APBB2: variants seen among roughly 807,000 people sequenced by gnomAD.
The protein encoded by APBB2 is amyloid beta precursor protein binding family B member 2.
A neutral mutation model predicts 82.5 loss-of-function variants in APBB2; 38 were observed. The observed-to-expected ratio is 0.46, with a 90% CI of 0.36 to 0.60. APBB2 has a LOEUF of 0.60. Ranked by LOEUF, APBB2 falls within the 20% of genes least tolerant of loss-of-function variation. The pLI is 0.00. For missense variants in APBB2, 772 were observed against 972.3 expected (o/e 0.79, Z 2.74); for synonymous variants, 341 against 368.2 (o/e 0.93, Z 0.85).
At chr4:41,077,764 G>A (rs1236299283) in intron 3 of APBB2, among the ~76,000 whole-genome samples, 1 of 152,164 alleles carries the variant, frequency 6.6e-6, no homozygotes. Context: ...AAAACCAAAA[G>A]AGATGGCATC....
intron 4 of APBB2, among the ~76,000 whole-genome samples, chr4:41,037,692 G>A (rs533159388): frequency 1.2e-3 from 185 of 152,098 alleles, no homozygotes; most frequent in African/African-American, 4.1e-3. Flanking sequence ...TTCTACTGGC[G>A]AAGTCCTGAT....
intron 2 of APBB2, among the ~76,000 whole-genome samples, chr4:41,140,883 T>G (rs2154020025): frequency 6.6e-6 from 1 of 152,290 alleles, no homozygotes; most frequent in East Asian, 1.9e-4. Flanking sequence ...ACCACCTAGT[T>G]GCAGGAACAC....
At chr4:40,988,531 G>A (rs77105458) in intron 6 of APBB2, among the ~76,000 whole-genome samples, 42,503 of 149,700 alleles carry the variant, frequency 0.28, 6,634 homozygotes, top group East Asian at 0.53. Context: ...CCAGCTACTC[G>A]GGAGGCTGAG....
rs1782796215 is a variant in APBB2 at position 40,927,056 on chromosome 4, T to A, written c.1254+7400A>T. ...CTATTTCATCTCCAGATGCCACAGA[T>A]CAGGGCTACTACATTTCATTTGAAA... On this transcript the variant is annotated intron_variant, in intron 10 of 17. Transcript: ENST00000508593. Among the ~76,000 whole-genome samples, 8 of 152,152 alleles carry A rather than the reference T, an allele frequency of 5.3e-5. No individual in the cohort carries two copies. In the South Asian group the frequency reaches 1.7e-3, roughly 31 times the overall value.
At chr4:40,975,356 C>CT (rs921960592) in intron 6 of APBB2, among the ~76,000 whole-genome samples, 2 of 152,080 alleles carry the variant, frequency 1.3e-5, no homozygotes, top group African/African-American at 2.4e-5. Context: ...GGCTTTCACC[C>CT]TTTTTTTGGC....
At chr4:40,834,932 T>G (rs1476284525) in intron 12 of APBB2, among the ~76,000 whole-genome samples, 1 of 152,208 alleles carries the variant, frequency 6.6e-6, no homozygotes, top group African/African-American at 2.4e-5. Flanking sequence ...TGAATGCAAC[T>G]GCCGTTTGGA....
At chr4:41,110,854 G>A in intron 2 of APBB2, among the ~76,000 whole-genome samples, 1 of 152,134 alleles carries the variant, frequency 6.6e-6, no homozygotes, top group African/African-American at 2.4e-5. Context: ...GGAGGTTGGA[G>A]GGGTTTAGGA....
intron 6 of APBB2, among the ~76,000 whole-genome samples, chr4:40,988,247 T>C (rs1800940297): frequency 6.6e-6 from 1 of 152,242 alleles, no homozygotes; most frequent in Admixed American, 6.5e-5. Context: ...CCCATTGCAC[T>C]TGTGCTGGAA....
chr4:41,197,974 C>A, intron 1 of APBB2, among the ~76,000 whole-genome samples: 1 of 152,186 alleles, frequency 6.6e-6, no homozygotes, highest in Non-Finnish European at 1.5e-5. Context: ...TACGTGCTGA[C>A]TATTCTAGGT....
chr4:40,952,318 C>T (rs548010993), intron 6 of APBB2, among the ~76,000 whole-genome samples: 1 of 152,076 alleles, frequency 6.6e-6, no homozygotes, highest in African/African-American at 2.4e-5. Flanking sequence ...CAGATTCTAC[C>T]CCACCTGCCT....
At chr4:41,074,605 A>AT (rs1457334793) in intron 3 of APBB2, among the ~76,000 whole-genome samples, 26 of 107,452 alleles carry the variant, frequency 2.4e-4, no homozygotes, top group East Asian at 4.7e-4. Context: ...TATTATTATT[A>AT]TTATTTTTTT....
chr4:41,151,197 A>C (rs1018902841), intron 1 of APBB2, among the ~76,000 whole-genome samples: 4 of 152,184 alleles, frequency 2.6e-5, no homozygotes, highest in African/African-American at 7.2e-5. Flanking sequence ...TAAAATTGTT[A>C]ACATATAATG....
chr4:41,191,394 T>C (rs767854619), intron 1 of APBB2, among the ~76,000 whole-genome samples: 2 of 152,234 alleles, frequency 1.3e-5, no homozygotes, highest in Non-Finnish European at 2.9e-5. Context: ...TTTTAAAGTT[T>C]ATTTCTACGC....
chr4:40,923,506 C>T (rs900639243), intron 10 of APBB2, among the ~76,000 whole-genome samples: 3 of 152,180 alleles, frequency 2.0e-5, no homozygotes, highest in Non-Finnish European at 2.9e-5. Flanking sequence ...ATGGCTACTC[C>T]TGCCCGAGGC....
intron 12 of APBB2, among the ~76,000 whole-genome samples, chr4:40,873,140 ATCC>A (rs1299345468): frequency 6.6e-6 from 1 of 151,620 alleles, no homozygotes; most frequent in African/African-American, 2.4e-5. Context: ...AGCCATTTCT[ATCC>A]TCCTGCCCTG....
chr4:40,822,328 T>TGG (rs918277341), intron 16 of APBB2: 17 of 373,294 alleles, frequency 4.6e-5, no homozygotes, highest in Admixed American at 8.1e-5. Flanking sequence ...GAGTTCACTG[T>TGG]GGGGAGGGAC....
chr4:41,174,236 G>A (rs773840346), intron 1 of APBB2, among the ~76,000 whole-genome samples: 4 of 152,104 alleles, frequency 2.6e-5, no homozygotes, highest in Non-Finnish European at 5.9e-5. Context: ...GACTTCTATT[G>A]GCCTCACAAT....
intron 1 of APBB2, among the ~76,000 whole-genome samples, chr4:41,189,765 TTTC>T (rs776036055): frequency 1.7e-4 from 26 of 152,200 alleles, no homozygotes; most frequent in Non-Finnish European, 3.5e-4. Flanking sequence ...AGTCATTTCC[TTTC>T]TTCTTCTTTC....
intron 3 of APBB2, among the ~76,000 whole-genome samples, chr4:41,081,389 A>C (rs1262661567): frequency 6.6e-6 from 1 of 152,224 alleles, no homozygotes; most frequent in African/African-American, 2.4e-5. Context: ...AAAGACAAAA[A>C]GGGAAAAAAA....
Sources: gnomAD v4.1 joint callset for allele counts (sites outside exome capture counted in the v4.1 genomes callset) on GRCh38, gnomAD v4.1.1 for gene constraint, MANE v1.5 for transcripts, NCBI Gene and HGNC (gene_info 2026-07-23, HGNC 2026-07-21) for gene names.